TULP4: variants seen among roughly 807,000 people sequenced by gnomAD.
TULP4 encodes tubby-related protein 4.
In TULP4, 16 loss-of-function variants were observed where a neutral mutation model predicts 129.0. That is an observed-to-expected ratio of 0.12 (90% CI 0.08 to 0.19). TULP4 has a LOEUF of 0.19. Among genes scored for constraint, TULP4 ranks in the 10% least tolerant of loss-of-function variants. TULP4 has a pLI of 1.00. For synonymous variants in TULP4, 998 were observed against 854.0 expected (o/e 1.17, Z -2.94); for missense variants, 1,842 against 2,059.1 (o/e 0.89, Z 2.04).
intron 1 of TULP4, among the ~76,000 whole-genome samples, chr6:158,338,366 A>G (rs1010182369): frequency 1.3e-5 from 2 of 152,222 alleles, no homozygotes; most frequent in African/African-American, 4.8e-5. Flanking sequence ...TCAAAAACAG[A>G]CATTTAAAAT....
intron 1 of TULP4, among the ~76,000 whole-genome samples, chr6:158,398,278 A>C (rs1265762383): frequency 1.3e-5 from 2 of 152,164 alleles, no homozygotes; most frequent in Non-Finnish European, 2.9e-5. Context: ...TCATTAGTCT[A>C]TCTGTGTACT....
chr6:158,311,401 T>C (rs2128482026), upstream of TULP4, among the ~76,000 whole-genome samples: 1 of 151,698 alleles, frequency 6.6e-6, no homozygotes. Flanking sequence ...AGGGACAGAG[T>C]GTTCTCGTGT....
At chr6:158,408,802 G>A (rs551691739) in intron 1 of TULP4, among the ~76,000 whole-genome samples, 7 of 152,216 alleles carry the variant, frequency 4.6e-5, no homozygotes, top group East Asian at 1.9e-4. Flanking sequence ...CTTTTGGTTC[G>A]TTAAAATGAC....
At chr6:158,276,590 T>A (rs1038396843) in intron 1 of TULP4, among the ~76,000 whole-genome samples, 9 of 152,044 alleles carry the variant, frequency 5.9e-5, no homozygotes, top group Admixed American at 2.6e-4. Context: ...CTCTCAGAAC[T>A]GTTGTACTGA....
intron 1 of TULP4, among the ~76,000 whole-genome samples, chr6:158,288,947 A>G (rs1247813890): frequency 6.6e-6 from 1 of 152,214 alleles, no homozygotes; most frequent in Non-Finnish European, 1.5e-5. Flanking sequence ...TCTTAGAACT[A>G]GTTGTGGCTA....
chr6:158,311,277 G>T (rs1779345137), upstream of TULP4, among the ~76,000 whole-genome samples: 2 of 152,162 alleles, frequency 1.3e-5, no homozygotes, highest in Non-Finnish European at 2.9e-5. Context: ...GTGGGATGGG[G>T]CTGGGCCGCT....
chr6:158,234,713 C>A (rs1014481538), intron 1 of TULP4, among the ~76,000 whole-genome samples: 1 of 152,142 alleles, frequency 6.6e-6, no homozygotes, highest in Non-Finnish European at 1.5e-5. Context: ...TTACCAAAAG[C>A]CTTACAGAAA....
At chr6:158,348,022 T>C in intron 1 of TULP4, among the ~76,000 whole-genome samples, 1 of 152,078 alleles carries the variant, frequency 6.6e-6, no homozygotes, top group East Asian at 1.9e-4. Flanking sequence ...CATTTATGTT[T>C]TAGAGAAAAT....
intron 1 of TULP4, among the ~76,000 whole-genome samples, chr6:158,409,293 A>T (rs1333385046): frequency 6.6e-6 from 1 of 152,166 alleles, no homozygotes; most frequent in Non-Finnish European, 1.5e-5. Flanking sequence ...ATGAGAGAAC[A>T]TGTCTTATAT....
intron 1 of TULP4, among the ~76,000 whole-genome samples, chr6:158,254,837 T>G (rs1778215501): frequency 1.3e-5 from 2 of 152,202 alleles, no homozygotes; most frequent in Admixed American, 6.5e-5. Flanking sequence ...TTTGGGAGGC[T>G]GAGGTGGGTG....
intron 1 of TULP4, among the ~76,000 whole-genome samples, chr6:158,334,579 T>TG (rs1779989056): frequency 8.5e-6 from 1 of 117,160 alleles, no homozygotes. Context: ...TTCAACTGTG[T>TG]GGGGGTTGGC....
intron 1 of TULP4, among the ~76,000 whole-genome samples, chr6:158,263,788 C>T (rs1006997439): frequency 6.6e-6 from 1 of 151,294 alleles, no homozygotes; most frequent in Non-Finnish European, 1.5e-5. Context: ...ACAGGCTGGG[C>T]GCGGTGGCTC....
rs2128269461 is a variant in TULP4 at position 158,508,711 on chromosome 6, G to C, written c.*2017G>C. The C allele has an allele frequency of 6.6e-6, 1 of 152,512 alleles. No individual in the cohort carries two copies. The highest frequency in any genetic ancestry group is 1.9e-4 in the East Asian group (1 of 5,184). 9.4% of individuals were successfully genotyped at this position (152,512 alleles called of 1,614,324 possible). On this transcript the variant is annotated 3_prime_UTR_variant, in exon 14 of 14. Coordinates refer to ENST00000367097, the MANE Select transcript of TULP4 (RefSeq NM_020245.5). Reference sequence around the variant, plus strand: ...GCAATTCCCCTGTTTTGTCGTTTAGGAGATAATTATTTATCTTGCTTTTCA... The same window carrying C: ...GCAATTCCCCTGTTTTGTCGTTTAGCAGATAATTATTTATCTTGCTTTTCA...
chr6:158,496,961 C>T (rs533931643), intron 11 of TULP4, among the ~76,000 whole-genome samples: 10 of 152,332 alleles, frequency 6.6e-5, no homozygotes, highest in Admixed American at 4.6e-4. Flanking sequence ...GATTCTCCCA[C>T]CTCAGCCTGT....
At chr6:158,324,133 C>A (rs1165600047) in intron 1 of TULP4, among the ~76,000 whole-genome samples, 1 of 152,146 alleles carries the variant, frequency 6.6e-6, no homozygotes, top group Non-Finnish European at 1.5e-5. Flanking sequence ...GATGGATGTT[C>A]CGCTTTTATC....
chr6:158,268,632 A>G (rs774018746), intron 1 of TULP4, among the ~76,000 whole-genome samples: 4 of 152,168 alleles, frequency 2.6e-5, no homozygotes, highest in Non-Finnish European at 4.4e-5. Context: ...TTAGGTTCCA[A>G]CATAGGAATT....
At chr6:158,250,339 G>A (rs1042260961) in intron 1 of TULP4, among the ~76,000 whole-genome samples, 5 of 151,542 alleles carry the variant, frequency 3.3e-5, no homozygotes, top group Non-Finnish European at 7.4e-5. Context: ...TGTAGTTTTA[G>A]TAGAGACTGG....
intron 4 of TULP4, among the ~76,000 whole-genome samples, chr6:158,451,336 A>G (rs539953236): frequency 1.4e-4 from 22 of 152,370 alleles, no homozygotes; most frequent in African/African-American, 4.8e-4. Context: ...AAAGCAAAGC[A>G]ATAACTGGGC....
chr6:158,304,855 C>T (rs1042865707), intron 1 of TULP4, among the ~76,000 whole-genome samples: 58 of 151,660 alleles, frequency 3.8e-4, no homozygotes, highest in African/African-American at 1.3e-3. Context: ...TTTGTAACGA[C>T]GGGGTCTTGC....
Sources: gnomAD v4.1 joint callset for allele counts (sites outside exome capture counted in the v4.1 genomes callset) on GRCh38, gnomAD v4.1.1 for gene constraint, MANE v1.5 for transcripts, NCBI Gene and HGNC (gene_info 2026-07-23, HGNC 2026-07-21) for gene names.